SUGCT: variants seen among roughly 807,000 people sequenced by gnomAD.
The protein encoded by SUGCT is succinyl-CoA:glutarate CoA-transferase.
In SUGCT, 41 loss-of-function variants were observed where a neutral mutation model predicts 55.0. The ratio of observed to expected loss-of-function variants is 0.74; its 90% CI spans 0.58 to 0.97. SUGCT has a LOEUF of 0.97. SUGCT is among the 50% of genes least tolerant of loss of function. The pLI, the probability that SUGCT is intolerant of heterozygous loss-of-function variation, is 0.00. For synonymous variants in SUGCT, 187 were observed against 200.4 expected (o/e 0.93, Z 0.56); for missense variants, 568 against 547.8 (o/e 1.04, Z -0.37).
At chr7:40,662,312 C>T (rs760039933) in intron 12 of SUGCT, among the ~76,000 whole-genome samples, 22 of 152,240 alleles carry the variant, frequency 1.4e-4, no homozygotes, top group Non-Finnish European at 3.1e-4. Context: ...CCACCTCACT[C>T]GTCTCCTCAC....
chr7:40,334,163 T>G (rs1232528964), intron 9 of SUGCT, among the ~76,000 whole-genome samples: 1 of 152,224 alleles, frequency 6.6e-6, no homozygotes, highest in Non-Finnish European at 1.5e-5. Context: ...GATGGACCTT[T>G]GGGTTGGTTC....
intron 1 of SUGCT, among the ~76,000 whole-genome samples, chr7:40,139,147 TAAATA>T (rs1787850714): frequency 6.7e-6 from 1 of 149,916 alleles, no homozygotes; most frequent in Non-Finnish European, 1.5e-5. Context: ...AATAAATAAA[TAAATA>T]AATAAATAAA....
chr7:40,311,883 G>A (rs1795175992), intron 8 of SUGCT, among the ~76,000 whole-genome samples: 2 of 152,200 alleles, frequency 1.3e-5, no homozygotes, highest in East Asian at 1.9e-4. Context: ...TCTGTGTTAA[G>A]TGCTATGGAA....
At chr7:40,176,240 A>T (rs2003215) in intron 1 of SUGCT, among the ~76,000 whole-genome samples, 40,941 of 149,198 alleles carry the variant, frequency 0.27, 6,709 homozygotes, top group South Asian at 0.45. Context: ...AAAAAAAAAA[A>T]TTTAGTGAGT....
intron 13 of SUGCT, among the ~76,000 whole-genome samples, chr7:40,838,119 C>T (rs938313617): frequency 1.4e-4 from 22 of 152,118 alleles, no homozygotes; most frequent in Admixed American, 3.3e-4. Flanking sequence ...AGATTTCTAT[C>T]GCTCCACTGG....
intron 11 of SUGCT, among the ~76,000 whole-genome samples, chr7:40,464,422 G>T (rs1789987968): frequency 6.6e-6 from 1 of 152,204 alleles, no homozygotes; most frequent in African/African-American, 2.4e-5. Flanking sequence ...GCTTCCTGGA[G>T]ATGGTGCCAT....
At chr7:40,290,636 A>G (rs1317637034) in intron 8 of SUGCT, among the ~76,000 whole-genome samples, 1 of 152,216 alleles carries the variant, frequency 6.6e-6, no homozygotes, top group Non-Finnish European at 1.5e-5. Flanking sequence ...AATGGCAACA[A>G]AAGCCAAAAT....
At chr7:40,499,692 A>C (rs1341335019) in intron 12 of SUGCT, among the ~76,000 whole-genome samples, 1 of 152,184 alleles carries the variant, frequency 6.6e-6, no homozygotes, top group African/African-American at 2.4e-5. Flanking sequence ...TTTCTCAATG[A>C]CAAATTATCT....
intron 8 of SUGCT, among the ~76,000 whole-genome samples, chr7:40,275,276 C>T: frequency 6.6e-6 from 1 of 152,238 alleles, no homozygotes; most frequent in Admixed American, 6.5e-5. Flanking sequence ...TGACTTGTTT[C>T]TTCACCTTTT....
the SUGCT span, among the ~76,000 whole-genome samples, chr7:40,884,333 T>C: frequency 1.3e-5 from 2 of 152,208 alleles, no homozygotes; most frequent in Non-Finnish European, 2.9e-5. Flanking sequence ...TTGAAAAACA[T>C]GTTCAGGCTT....
chr7:40,617,236 C>T (rs1326101417), intron 12 of SUGCT, among the ~76,000 whole-genome samples: 2 of 152,084 alleles, frequency 1.3e-5, no homozygotes, highest in African/African-American at 4.8e-5. Context: ...CATAAGGGGG[C>T]TTAATGAATA....
intron 9 of SUGCT, among the ~76,000 whole-genome samples, chr7:40,371,479 A>G (rs1784292247): frequency 6.6e-6 from 1 of 152,150 alleles, no homozygotes; most frequent in South Asian, 2.1e-4. Flanking sequence ...CGGTTAAGGC[A>G]ACACATGCTT....
intron 7 of SUGCT, among the ~76,000 whole-genome samples, chr7:40,243,143 C>CT (rs1016883678): frequency 4.7e-4 from 70 of 150,082 alleles, no homozygotes; most frequent in African/African-American, 1.3e-3. Flanking sequence ...TATCTATCAT[C>CT]TTTTTTTAAT....
At chr7:40,193,738 A>G (rs1315755494) in intron 5 of SUGCT, among the ~76,000 whole-genome samples, 3 of 151,162 alleles carry the variant, frequency 2.0e-5, no homozygotes, top group African/African-American at 7.3e-5. Flanking sequence ...AGCTGGGATT[A>G]CAGGCATGTG....
At chr7:40,882,747 A>G in the SUGCT span, among the ~76,000 whole-genome samples, 2 of 152,342 alleles carry the variant, frequency 1.3e-5, no homozygotes, top group Non-Finnish European at 2.9e-5. Flanking sequence ...ATATGTTATT[A>G]ATTTCCTGGT....
intron 10 of SUGCT, among the ~76,000 whole-genome samples, chr7:40,458,790 G>A (rs190990543): frequency 6.6e-6 from 1 of 152,014 alleles, no homozygotes. Flanking sequence ...ATTTTTTTCT[G>A]TGGGGATCTG....
intron 12 of SUGCT, among the ~76,000 whole-genome samples, chr7:40,597,665 A>G (rs768834154): frequency 7.9e-5 from 12 of 152,162 alleles, no homozygotes; most frequent in Non-Finnish European, 1.3e-4. Flanking sequence ...GAGACCTTGA[A>G]GAGCTCTCAT....
chr7:40,308,915 C>G (rs2151093141), intron 8 of SUGCT, among the ~76,000 whole-genome samples: 1 of 152,272 alleles, frequency 6.6e-6, no homozygotes, highest in South Asian at 2.1e-4. Context: ...GAGGCTGAGT[C>G]AGAAGAATTG....
intron 11 of SUGCT, among the ~76,000 whole-genome samples, chr7:40,460,584 A>G (rs1789741959): frequency 6.6e-6 from 1 of 152,210 alleles, no homozygotes; most frequent in African/African-American, 2.4e-5. Context: ...GATAAACTGA[A>G]TAAATCATGA....
Sources: allele counts gnomAD v4.1 joint callset (sites outside exome capture counted in the v4.1 genomes callset), GRCh38; gene constraint gnomAD v4.1.1; transcripts MANE v1.5; gene names NCBI Gene and HGNC (gene_info 2026-07-23, HGNC 2026-07-21).